MED12L: variants seen among roughly 807,000 people sequenced by gnomAD.
The protein encoded by MED12L is mediator of RNA polymerase II transcription subunit 12-like protein.
MED12L carries 60 observed loss-of-function variants against 281.3 expected under a neutral mutation model. The observed-to-expected ratio is 0.21, with a 90% CI of 0.17 to 0.26. The LOEUF is 0.26. Ranked by LOEUF, MED12L falls within the 10% of genes least tolerant of loss-of-function variation. The probability of loss-of-function intolerance (pLI) is 1.00; values close to 1 mark genes in which losing one functional copy is unlikely to be tolerated. For synonymous variants in MED12L, 974 were observed against 987.2 expected, an observed-to-expected ratio of 0.99 and a Z score of 0.25; for missense variants, 2,146 against 2,680.9, an observed-to-expected ratio of 0.80 and a Z score of 4.41.
chr3:151,422,211 C>T (rs1259601386), intron 43 of MED12L, among the ~76,000 whole-genome samples: 3 of 152,142 alleles, frequency 2.0e-5, no homozygotes, highest in Non-Finnish European at 4.4e-5. Flanking sequence ...AAGTAGTTTA[C>T]GGTTGCTGAA....
At chr3:151,127,073 A>G (rs1714648498) in intron 4 of MED12L, among the ~76,000 whole-genome samples, 1 of 152,230 alleles carries the variant, frequency 6.6e-6, no homozygotes, top group Non-Finnish European at 1.5e-5. Flanking sequence ...GATGATATAG[A>G]TGAATGGGCT....
chr3:151,248,531 TATC>T (rs1237338986), intron 16 of MED12L, among the ~76,000 whole-genome samples: 2 of 152,172 alleles, frequency 1.3e-5, no homozygotes, highest in East Asian at 3.8e-4. Context: ...TGGTCCACTT[TATC>T]ATACCAAATA....
rs564736335 is a variant in MED12L at position 151,316,997 on chromosome 3, G to C, written c.2251-33062G>C. The C allele has an allele frequency of 3.9e-5, 6 of 152,252 alleles. No individual in the cohort carries two copies. In the South Asian group the frequency reaches 1.2e-3, roughly 32 times the overall value. The allele number at this position is 152,252 out of a possible 1,614,324, so 9.4% of individuals were successfully genotyped here. A position where few individuals can be genotyped will look rare whatever the true frequency, so the allele number is the denominator to read the frequency against. On this transcript the variant is annotated intron_variant, in intron 16 of 44. Transcript: ENST00000687756. Reference sequence around the variant, plus strand: ...GTCTGCTTAAGGAGTGGGGGATGAAGTCTCGGGTTGGGGCCTACTAACTCA... The same window carrying C: ...GTCTGCTTAAGGAGTGGGGGATGAACTCTCGGGTTGGGGCCTACTAACTCA...
At chr3:151,179,100 A>G (rs77689427) in intron 11 of MED12L, among the ~76,000 whole-genome samples, 11,540 of 152,116 alleles carry the variant, frequency 0.076, 956 homozygotes, top group East Asian at 0.21. Context: ...AGCACTTTGG[A>G]AAGCTGAGGT....
intron 5 of MED12L, among the ~76,000 whole-genome samples, chr3:151,142,241 C>T (rs1717134750): frequency 6.6e-6 from 1 of 152,174 alleles, no homozygotes; most frequent in Non-Finnish European, 1.5e-5. Flanking sequence ...GTTTGATTTA[C>T]AGAATTTGCA....
chr3:151,244,392 AAG>A (rs943840657), intron 16 of MED12L, among the ~76,000 whole-genome samples: 30 of 134,290 alleles, frequency 2.2e-4, no homozygotes, highest in Admixed American at 8.7e-4. Context: ...GCAAATGTAA[AAG>A]AACAGAAATT....
At chr3:151,267,534 G>A (rs775609958) in intron 16 of MED12L, among the ~76,000 whole-genome samples, 7 of 152,164 alleles carry the variant, frequency 4.6e-5, no homozygotes, top group Non-Finnish European at 7.4e-5. Flanking sequence ...AGCTACAAAT[G>A]AGAGCCTCGG....
At chr3:151,328,602 T>C in intron 16 of MED12L, 1 of 1,613,638 alleles carries the variant, frequency 6.2e-7, no homozygotes, top group Non-Finnish European at 8.5e-7. Context: ...TTTAGAAAAA[T>C]ATTTCTCAAA....
intron 4 of MED12L, among the ~76,000 whole-genome samples, chr3:151,123,613 T>C (rs1714086330): frequency 6.6e-6 from 1 of 152,220 alleles, no homozygotes; most frequent in Admixed American, 6.5e-5. Flanking sequence ...TTGAAATTTA[T>C]ATAAGAAACT....
chr3:151,416,483 G>A (rs1452265986), intron 43 of MED12L, 61 bp downstream of exon 43: 61 of 1,547,054 alleles, frequency 3.9e-5, no homozygotes, highest in Non-Finnish European at 5.2e-5. Flanking sequence ...AGGTTGCATT[G>A]TTCATGTTCA....
chr3:151,177,911 T>C (rs1218008966), intron 11 of MED12L, among the ~76,000 whole-genome samples: 1 of 152,148 alleles, frequency 6.6e-6, no homozygotes, highest in Non-Finnish European at 1.5e-5. Context: ...TAGTTTGTTA[T>C]TTTTTCTTTG....
rs1748330790 is a variant in MED12L at position 151,316,942 on chromosome 3, C to T, written c.2251-33117C>T. The T allele has an allele frequency of 2.0e-5, 3 of 152,218 alleles. No individual in the cohort carries two copies. In the South Asian group the frequency reaches 6.2e-4, roughly 32 times the overall value. The allele number at this position is 152,218 out of a possible 1,614,324, so 9.4% of individuals were successfully genotyped here. On this transcript the variant is annotated intron_variant, in intron 16 of 44. Transcript: ENST00000687756. Reference sequence around the variant, plus strand: ...CAGATGGTGATTCACCTGAAGGAAACACAGAGGGCTGGAGCTTAGACTGCC... The same window carrying T: ...CAGATGGTGATTCACCTGAAGGAAATACAGAGGGCTGGAGCTTAGACTGCC...
chr3:151,241,864 C>G (rs945202870), intron 16 of MED12L: 2 of 153,194 alleles, frequency 1.3e-5, no homozygotes, highest in African/African-American at 4.8e-5. Flanking sequence ...GCATTTCCAT[C>G]TGAGGTACCG....
In MED12L at chr3:151,365,983, A is replaced by G. The variant is rs1755223183; in HGVS notation, c.3319A>G (p.Thr1107Ala). The G allele has an allele frequency of 6.3e-7, 1 of 1,577,100 alleles. No individual in the cohort carries two copies. Among genetic ancestry groups the G allele is most frequent in the Non-Finnish European group, 8.6e-7 (1 of 1,164,124 alleles). ...GTGGGGGTTTAATGATGTACTTTGCACTGTAGATGTAAGTTTTCTTTTTCA... is the reference window on the plus strand; with the variant it reads ...GTGGGGGTTTAATGATGTACTTTGCGCTGTAGATGTAAGTTTTCTTTTTCA... Reference protein sequence around the residue: ...HVWGFNDVLCTVDVSDLSFHD... With the variant: ...HVWGFNDVLCAVDVSDLSFHD... Residue 1107 changes from threonine to alanine, a missense_variant, in exon 23 of 45, where the codon ACT (threonine) becomes GCT (alanine). Transcript: ENST00000687756.
chr3:151,086,918 T>G lies in MED12L; in HGVS notation c.-9T>G. 4 of 1,582,080 alleles carry G rather than the reference T, an allele frequency of 2.5e-6. No individual in the cohort carries two copies. Among genetic ancestry groups the G allele is most frequent in the Non-Finnish European group, 2.6e-6 (3 of 1,164,838 alleles). The stretch of plus-strand genomic sequence containing the variant: ...CTCTCATTCATTTCGCCGGTTAACA[T>G]GAGAGATCATGGCCGCCTTCGGGCT... On this transcript the variant is annotated 5_prime_UTR_variant, in exon 2 of 45. The change abolishes an upstream ATG in the 5' untranslated region. Coordinates refer to ENST00000687756, the MANE Select transcript of MED12L (RefSeq NM_001393769.1).
At chr3:151,413,656 A>T (rs2108369537) in intron 42 of MED12L, among the ~76,000 whole-genome samples, 1 of 152,304 alleles carries the variant, frequency 6.6e-6, no homozygotes, top group East Asian at 1.9e-4. Context: ...AAAACAAAAA[A>T]CTGAGCCATC....
intron 16 of MED12L, among the ~76,000 whole-genome samples, chr3:151,232,868 A>G (rs1371664164): frequency 6.6e-6 from 1 of 152,192 alleles, no homozygotes; most frequent in Non-Finnish European, 1.5e-5. Flanking sequence ...ATCTGCAACA[A>G]ATCCCTGTGG....
intron 16 of MED12L, among the ~76,000 whole-genome samples, chr3:151,247,761 TAAAAAA>T (rs71138490): frequency 6.9e-6 from 1 of 144,136 alleles, no homozygotes; most frequent in Admixed American, 6.9e-5. Flanking sequence ...TAATGTATAA[TAAAAAA>T]AAAAAGCAAA....
intron 16 of MED12L, among the ~76,000 whole-genome samples, chr3:151,219,201 A>G (rs1430810931): frequency 1.3e-5 from 2 of 152,156 alleles, no homozygotes; most frequent in African/African-American, 4.8e-5. Flanking sequence ...ATATCTTAGG[A>G]TTGTGCTGCA....
Sources: allele counts gnomAD v4.1 joint callset (sites outside exome capture counted in the v4.1 genomes callset), GRCh38; gene constraint gnomAD v4.1.1; transcripts MANE v1.5; gene names NCBI Gene and HGNC (gene_info 2026-07-23, HGNC 2026-07-21).